Variants in ADGRF1 observed in about 807,000 individuals in gnomAD.
The protein encoded by ADGRF1 is G protein-coupled receptor 110.
Under a neutral mutation model 87.2 loss-of-function variants are expected in ADGRF1, and 85 were observed. The ratio of observed to expected loss-of-function variants is 0.97; its 90% CI spans 0.82 to 1.17. The LOEUF is 1.17. Ranked by LOEUF, ADGRF1 falls within the 50% of genes most tolerant of loss-of-function variation. The pLI, the probability that ADGRF1 is intolerant of heterozygous loss-of-function variation, is 0.00. For synonymous variants in ADGRF1, 430 were observed against 408.8 expected, an observed-to-expected ratio of 1.05 and a Z score of -0.63; for missense variants, 1,169 against 1,077.2, an observed-to-expected ratio of 1.09 and a Z score of -1.19.
intron 13 of ADGRF1, among the ~76,000 whole-genome samples, chr6:47,003,042 A>C (rs1779406841): frequency 6.6e-6 from 1 of 152,150 alleles, no homozygotes; most frequent in Non-Finnish European, 1.5e-5. Flanking sequence ...ATATCATGAC[A>C]CTGTAAACAA....
intron 7 of ADGRF1, chr6:47,019,919 C>T (rs1779991975): frequency 1.0e-6 from 1 of 985,328 alleles, no homozygotes; most frequent in African/African-American, 1.7e-5. Flanking sequence ...TTGCTGTAAA[C>T]AATGACTACT....
Position 47,000,219 on chromosome 6 carries a change from G to T in ADGRF1, c.*3C>A. The T allele has an allele frequency of 6.2e-7, 1 of 1,604,446 alleles. No individual in the cohort carries two copies. ...TTTTTTCTTGATTTTATGATTCCTTGCCTTATTCATTTGAGACAAACTGAG... is the reference window on the plus strand; with the variant it reads ...TTTTTTCTTGATTTTATGATTCCTTTCCTTATTCATTTGAGACAAACTGAG... On this transcript the variant is annotated 3_prime_UTR_variant, in exon 15 of 15. Transcript: ENST00000371253.
Position 47,010,037 on chromosome 6 carries a change from A to G in ADGRF1, c.1398T>C (p.Ile466=). The G allele has an allele frequency of 6.2e-7, 1 of 1,614,176 alleles. No individual in the cohort carries two copies. The highest frequency in any genetic ancestry group is 8.5e-7 in the Non-Finnish European group (1 of 1,180,024). The change falls in exon 11 of 15, where the codon ATT becomes ATC. Residue 466 remains isoleucine, a synonymous_variant. Transcript: ENST00000371253. ...TSIPIRGRVL[I]GSDQFQRSLP... ...GGGATCTCTGGAATTGGTCTGACCC[A>G]ATTAACACACGGCCTCTGATGGGAA...
At chr6:47,005,793 T>G (rs200686707) in intron 13 of ADGRF1, 24 bp downstream of exon 13, 222 of 1,579,896 alleles carry the variant, frequency 1.4e-4, no homozygotes, top group Middle Eastern at 3.3e-4. Context: ...ATGTATTGGA[T>G]TCATGGCAGT....
chr6:47,000,943 G>T (rs1779346565), intron 14 of ADGRF1, among the ~76,000 whole-genome samples: 1 of 152,170 alleles, frequency 6.6e-6, no homozygotes, highest in Non-Finnish European at 1.5e-5. Flanking sequence ...TTAAACACTG[G>T]TCTTGCAGTT....
At chr6:47,017,881 G>T (rs1463764618) in intron 7 of ADGRF1, 1 of 152,752 alleles carries the variant, frequency 6.5e-6, no homozygotes, top group Non-Finnish European at 1.5e-5. Flanking sequence ...GAAGGGACTT[G>T]CACAAGCGTT....
At chr6:47,027,416 G>T (rs537413990) in intron 3 of ADGRF1, among the ~76,000 whole-genome samples, 1 of 152,304 alleles carries the variant, frequency 6.6e-6, no homozygotes, top group African/African-American at 2.4e-5. Flanking sequence ...CTCATTTCTG[G>T]ACTGGGGCTA....
rs1779611817 is a variant in ADGRF1 at position 47,009,047 on chromosome 6, C to A, written c.2388G>T (p.Leu796=). 1 of 1,614,064 alleles carries A rather than the reference C, an allele frequency of 6.2e-7. No homozygotes were observed. Residue 796 remains leucine, a synonymous_variant, in exon 11 of 15, where the codon CTG becomes CTT. Coordinates refer to ENST00000371253, the MANE Select transcript of ADGRF1 (RefSeq NM_153840.4). ...IIRVGKSLLI[L]TPLLGLTWGF... ...CCCAGGTGAGCCCTAGCAGAGGGGT[C>A]AGAATGAGGAGGCTCTTCCCCACGC... is the stretch of plus-strand genomic sequence containing the variant.
intron 5 of ADGRF1, 32 bp from the exon 6 acceptor site, chr6:47,022,090 A>G: frequency 8.2e-7 from 1 of 1,222,626 alleles, no homozygotes; most frequent in South Asian, 1.3e-5. Flanking sequence ...TTATAGACAT[A>G]ATAAATTTCT....
In ADGRF1 at chr6:47,010,079, A is replaced by G; in HGVS notation, c.1356T>C (p.Cys452=). Residue 452 remains cysteine, a synonymous_variant, in exon 11 of 15, where the codon TGT becomes TGC. Coordinates refer to ENST00000371253, the MANE Select transcript of ADGRF1 (RefSeq NM_153840.4). ...KRGYSYQIKM[C]PQNTSIPIRG... ...TGATGGGAATAGATGTATTTTGGGG[A>G]CACATTTTAATCTGATAGCTGTAAC... The G allele has an allele frequency of 6.2e-7, 1 of 1,614,124 alleles. No homozygotes were observed. Among genetic ancestry groups the G allele is most frequent in the Non-Finnish European group, 8.5e-7 (1 of 1,180,022 alleles).
chr6:46,998,977 A>C lies in ADGRF1; in HGVS notation c.*1245T>G, dbSNP rs558081810. 2 of 152,328 alleles carry C rather than the reference A, an allele frequency of 1.3e-5. No homozygotes were observed. Among genetic ancestry groups the C allele is most frequent in the African/African-American group, 4.8e-5 (2 of 41,558 alleles). 9.4% of individuals were successfully genotyped at this position (152,328 alleles called of 1,614,324 possible). On this transcript the variant is annotated 3_prime_UTR_variant, in exon 15 of 15. Transcript: ENST00000371253. ...ACTAGAAGTTCCCCCAGCTGTCTTT[A>C]TTTGCATAGCATGAAGGCTTTCCAT... is the stretch of plus-strand genomic sequence containing the variant.
chr6:47,019,267 A>T (rs1779968012), intron 7 of ADGRF1: 1 of 952,876 alleles, frequency 1.0e-6, no homozygotes, highest in African/African-American at 1.8e-5. Context: ...GATCAACTGT[A>T]TAAACCTCAA....
intron 2 of ADGRF1, 80 bp downstream of exon 2, chr6:47,028,913 G>A (rs1780326844): frequency 9.3e-7 from 1 of 1,071,484 alleles, no homozygotes; most frequent in Admixed American, 1.7e-5. Context: ...CAGTCCCCTA[G>A]AGAGTGAGGG....
chr6:47,036,707 A>G (rs1780598223), intron 1 of ADGRF1, among the ~76,000 whole-genome samples: 1 of 152,246 alleles, frequency 6.6e-6, no homozygotes, highest in Admixed American at 6.5e-5. Context: ...GTTTCCCTTT[A>G]CATATGAATA....
chr6:47,027,590 G>T, intron 3 of ADGRF1, 114 bp downstream of exon 3: 1 of 670,810 alleles, frequency 1.5e-6, no homozygotes, highest in Non-Finnish European at 2.7e-6. Flanking sequence ...TACATATTTG[G>T]ATGTTTAATA....
chr6:47,031,074 A>G (rs1780404171), intron 1 of ADGRF1, among the ~76,000 whole-genome samples: 3 of 151,838 alleles, frequency 2.0e-5, no homozygotes, highest in Admixed American at 2.0e-4. Flanking sequence ...CTTTTTCTTC[A>G]CCTCTAGGGA....
rs558220344 is a variant in ADGRF1 at position 46,998,217 on chromosome 6, T to G, written c.*2005A>C. The G allele has an allele frequency of 1.5e-4, 23 of 152,302 alleles. No individual in the cohort carries two copies. The highest frequency in any genetic ancestry group is 6.5e-4 in the Admixed American group (10 of 15,300). The allele number at this position is 152,302 out of a possible 1,614,324, so 9.4% of individuals were successfully genotyped here. A position where few individuals can be genotyped will look rare whatever the true frequency, so the allele number is the denominator to read the frequency against. ...TCACATGGTGTCAGGGTTCTCTGGATAGTAATTGTGTGTAATAAGAGAGGG... is the reference window on the plus strand; with the variant it reads ...TCACATGGTGTCAGGGTTCTCTGGAGAGTAATTGTGTGTAATAAGAGAGGG... On this transcript the variant is annotated 3_prime_UTR_variant, in exon 15 of 15. Transcript: ENST00000371253.
In ADGRF1 at chr6:47,020,496, T is replaced by C. The variant is rs1463046846; in HGVS notation, c.611+235A>G. ...TCCAACTTGGGCGACAAGAGTGACATTCTGTCAAAAAAAAAAAAAAATTTA... is the reference window on the plus strand; with the variant it reads ...TCCAACTTGGGCGACAAGAGTGACACTCTGTCAAAAAAAAAAAAAAATTTA... On this transcript the variant is annotated intron_variant, in intron 7 of 14. Coordinates refer to ENST00000371253, the MANE Select transcript of ADGRF1 (RefSeq NM_153840.4). 10 of 1,460,020 alleles carry C rather than the reference T, an allele frequency of 6.8e-6. No homozygotes were observed. The South Asian group carries it at 1.1e-4, about 17-fold the overall frequency. The allele number at this position is 1,460,020 out of a possible 1,614,324, so 90.4% of individuals were successfully genotyped here. A position where few individuals can be genotyped will look rare whatever the true frequency, so the allele number is the denominator to read the frequency against.
intron 1 of ADGRF1, among the ~76,000 whole-genome samples, chr6:47,037,139 T>A (rs1189112693): frequency 6.6e-6 from 1 of 152,234 alleles, no homozygotes; most frequent in Non-Finnish European, 1.5e-5. Context: ...TTCATCACTC[T>A]ATCCACAGTA....
Sources: gnomAD v4.1 joint callset for allele counts (sites outside exome capture counted in the v4.1 genomes callset) on GRCh38, gnomAD v4.1.1 for gene constraint, MANE v1.5 for transcripts, NCBI Gene and HGNC (gene_info 2026-07-23, HGNC 2026-07-21) for gene names.